The following ADAM12 variants were observed in gnomAD, a reference collection of about 807,000 sequenced individuals.
The protein encoded by ADAM12 is disintegrin and metalloproteinase domain-containing protein 12.
Under a neutral mutation model 106.4 loss-of-function variants are expected in ADAM12, and 70 were observed. The ratio of observed to expected loss-of-function variants is 0.66; its 90% CI spans 0.54 to 0.80. ADAM12 has a LOEUF of 0.80. Among genes scored for constraint, ADAM12 ranks in the 30% least tolerant of loss-of-function variants. ADAM12 has a pLI of 0.00. For missense variants in ADAM12, 1,010 were observed against 1,171.9 expected (o/e 0.86, Z 2.02); for synonymous variants, 420 against 433.5 (o/e 0.97, Z 0.39).
rs544869960 is a variant in ADAM12, at chr10:126,176,829, C to T, written c.261-21524G>A. On this transcript the variant is annotated intron_variant, in intron 3 of 22. Transcript: ENST00000448723. ...GACTCTTCCACGTGATGTCTGGGGA[C>T]TGCAGGAGCTTCCCTCTAAGGGTTT... Among the ~76,000 whole-genome samples, 7 of 152,278 alleles carry T rather than the reference C, an allele frequency of 4.6e-5. No homozygotes were observed. In the East Asian group the frequency reaches 9.7e-4, roughly 21 times the overall value.
chr10:126,181,646 C>T (rs1460720844), intron 3 of ADAM12, among the ~76,000 whole-genome samples: 3 of 152,044 alleles, frequency 2.0e-5, no homozygotes, highest in Non-Finnish European at 2.9e-5. Flanking sequence ...ATGAAACAAG[C>T]GAATGAAAGA....
intron 14 of ADAM12, among the ~76,000 whole-genome samples, chr10:126,054,957 C>T (rs113168356): frequency 7.2e-4 from 109 of 152,242 alleles, no homozygotes; most frequent in Non-Finnish European, 1.3e-3. Flanking sequence ...TCAGTAGGGG[C>T]TTTACATCCA....
At chr10:126,028,180 G>A (rs1201906037) in intron 21 of ADAM12, among the ~76,000 whole-genome samples, 1 of 152,068 alleles carries the variant, frequency 6.6e-6, no homozygotes, top group East Asian at 1.9e-4. Context: ...AGAAATCAGA[G>A]GACATAAACA....
chr10:126,259,518 A>G (rs1368379934), intron 3 of ADAM12, among the ~76,000 whole-genome samples: 1 of 152,222 alleles, frequency 6.6e-6, no homozygotes, highest in East Asian at 1.9e-4. Context: ...TGTTCACTCA[A>G]AAGGTCTCAG....
At chr10:126,121,344 A>T (rs1449391550) in intron 5 of ADAM12, among the ~76,000 whole-genome samples, 1 of 122,300 alleles carries the variant, frequency 8.2e-6, no homozygotes, top group African/African-American at 3.2e-5. Context: ...ATTATCTTAC[A>T]TGTAACATAT....
chr10:126,376,396 C>T (rs1445381261), intron 1 of ADAM12, among the ~76,000 whole-genome samples: 1 of 152,174 alleles, frequency 6.6e-6, no homozygotes, highest in Non-Finnish European at 1.5e-5. Flanking sequence ...CAGCCATGAA[C>T]TGGCACTTGT....
At position 126,092,934 on chromosome 10, in the gene ADAM12, A is replaced by T. The variant is rs560791743; in HGVS notation, c.1145+1051T>A. Among the ~76,000 whole-genome samples the T allele has an allele frequency of 5.3e-5, 8 of 152,298 alleles. No homozygotes were observed. The South Asian group carries it at 1.7e-3, about 32-fold the overall frequency. On this transcript the variant is annotated intron_variant, in intron 11 of 22. Transcript: ENST00000448723. ...CTATTGCTTGAAAAAGCACAGACAC[A>T]TTCTTTAACAATTCCTCCCTCTACT...
Position 126,171,711 on chromosome 10 carries a change from A to G in ADAM12, c.261-16406T>C, listed in dbSNP as rs866448716. Among the ~76,000 whole-genome samples the G allele has an allele frequency of 4.6e-5, 7 of 152,232 alleles. No homozygotes were observed. The South Asian group carries it at 6.2e-4, about 14-fold the overall frequency. The stretch of plus-strand genomic sequence containing the variant: ...GCCAGAAAAAGATGAACATGCTTCC[A>G]GTATTTCTGGCTTCCCAGTCGTGGA... On this transcript the variant is annotated intron_variant, in intron 3 of 22. Transcript: ENST00000448723.
chr10:126,180,516 C>T (rs1462399842), intron 3 of ADAM12, among the ~76,000 whole-genome samples: 11 of 152,028 alleles, frequency 7.2e-5, no homozygotes, highest in Non-Finnish European at 4.4e-5. Context: ...GTACGAGAAA[C>T]CTGACTGTAA....
chr10:126,246,626 A>T (rs959423642), intron 3 of ADAM12, among the ~76,000 whole-genome samples: 11 of 152,236 alleles, frequency 7.2e-5, no homozygotes, highest in Admixed American at 6.5e-4. Flanking sequence ...AGAACTGAGG[A>T]CAAAAACCAC....
intron 1 of ADAM12, among the ~76,000 whole-genome samples, chr10:126,353,195 G>A (rs1855422812): frequency 6.6e-6 from 1 of 152,150 alleles, no homozygotes; most frequent in African/African-American, 2.4e-5. Flanking sequence ...TGATATCAAT[G>A]AGCTCACAAC....
chr10:126,359,128 C>A (rs1006697684), intron 1 of ADAM12, among the ~76,000 whole-genome samples: 1 of 152,040 alleles, frequency 6.6e-6, no homozygotes, highest in Non-Finnish European at 1.5e-5. Flanking sequence ...ATCACCAGAA[C>A]AGCATGGGAA....
intron 3 of ADAM12, among the ~76,000 whole-genome samples, chr10:126,214,520 G>A (rs1957953015): frequency 6.6e-6 from 1 of 152,182 alleles, no homozygotes. Context: ...GCTGTCTCTG[G>A]AAATGTATAT....
chr10:126,170,820 C>T (rs1217703272), intron 3 of ADAM12, among the ~76,000 whole-genome samples: 5 of 152,250 alleles, frequency 3.3e-5, no homozygotes, highest in South Asian at 2.1e-4. Context: ...TTCCCAGTAA[C>T]GATTCTCCAA....
intron 18 of ADAM12, among the ~76,000 whole-genome samples, 182 bp downstream of exon 18, chr10:126,042,855 GAGA>G (rs1954211457): frequency 6.6e-6 from 1 of 152,238 alleles, no homozygotes; most frequent in African/African-American, 2.4e-5. Flanking sequence ...AGGAGCCTCA[GAGA>G]AGATCGGGCA....
intron 6 of ADAM12, among the ~76,000 whole-genome samples, chr10:126,117,484 T>C (rs1480383427): frequency 1.3e-5 from 2 of 152,196 alleles, no homozygotes; most frequent in Non-Finnish European, 1.5e-5. Context: ...ATAAGCAAGA[T>C]TCCTGAGCCA....
chr10:126,283,459 T>C (rs577948168), intron 2 of ADAM12, among the ~76,000 whole-genome samples: 1 of 152,316 alleles, frequency 6.6e-6, no homozygotes, highest in African/African-American at 2.4e-5. Flanking sequence ...GTCTCATGAA[T>C]ATCTGGCAAA....
At chr10:126,091,434 G>T (rs923053983) in intron 11 of ADAM12, among the ~76,000 whole-genome samples, 5 of 152,168 alleles carry the variant, frequency 3.3e-5, no homozygotes, top group Non-Finnish European at 7.3e-5. Flanking sequence ...TTAGGAAGTT[G>T]CTTTCCATCT....
At chr10:126,148,889 T>C (rs947967048) in intron 4 of ADAM12, among the ~76,000 whole-genome samples, 1 of 151,952 alleles carries the variant, frequency 6.6e-6, no homozygotes, top group Non-Finnish European at 1.5e-5. Flanking sequence ...GGACCCATTG[T>C]GGGGAAGGTA....
Sources: gnomAD v4.1 joint callset for allele counts (sites outside exome capture counted in the v4.1 genomes callset) on GRCh38, gnomAD v4.1.1 for gene constraint, MANE v1.5 for transcripts, NCBI Gene and HGNC (gene_info 2026-07-23, HGNC 2026-07-21) for gene names.